HS3ST4: variants seen among roughly 807,000 people sequenced by gnomAD.
HS3ST4 encodes the protein heparan sulfate glucosamine 3-O-sulfotransferase 4.
A neutral mutation model predicts 29.2 loss-of-function variants in HS3ST4; 17 were observed. The ratio of observed to expected loss-of-function variants is 0.58; its 90% confidence interval spans 0.40 to 0.87. The LOEUF is 0.87. Ranked by LOEUF, HS3ST4 falls within the 40% of genes least tolerant of loss-of-function variation. The pLI is 0.00. For missense variants in HS3ST4, 627 were observed against 634.5 expected, an observed-to-expected ratio of 0.99 and a Z score of 0.13; for synonymous variants, 314 against 285.7, an observed-to-expected ratio of 1.10 and a Z score of -1.00.
intron 1 of HS3ST4, among the ~76,000 whole-genome samples, chr16:25,776,419 T>C (rs954967751): frequency 2.6e-5 from 4 of 152,202 alleles, no homozygotes; most frequent in Admixed American, 2.6e-4. Flanking sequence ...TTGTCTCTTA[T>C]CTACCTATGA....
At chr16:25,933,873 A>G (rs1183735317) in intron 1 of HS3ST4, among the ~76,000 whole-genome samples, 1 of 152,160 alleles carries the variant, frequency 6.6e-6, no homozygotes, top group Non-Finnish European at 1.5e-5. Context: ...ATTACCACAA[A>G]GCCAACACCA....
chr16:26,017,363 G>A (rs555947743), intron 1 of HS3ST4, among the ~76,000 whole-genome samples: 2 of 152,198 alleles, frequency 1.3e-5, no homozygotes, highest in African/African-American at 2.4e-5. Flanking sequence ...TTAACTTGGA[G>A]CTCTAGGGGA....
At chr16:25,983,684 A>C (rs1258829247) in intron 1 of HS3ST4, among the ~76,000 whole-genome samples, 1 of 152,318 alleles carries the variant, frequency 6.6e-6, no homozygotes, top group African/African-American at 2.4e-5. Flanking sequence ...ATTCTAAGCC[A>C]TACATAGTCT....
chr16:26,131,408 GTC>G (rs1354462565), intron 1 of HS3ST4, among the ~76,000 whole-genome samples: 6 of 152,142 alleles, frequency 3.9e-5, no homozygotes, highest in Non-Finnish European at 8.8e-5. Flanking sequence ...TCTATTCCCT[GTC>G]TGTCTTCCTG....
chr16:26,023,476 TGCAACCTCA>T (rs1969436211), intron 1 of HS3ST4, among the ~76,000 whole-genome samples: 1 of 152,028 alleles, frequency 6.6e-6, no homozygotes, highest in Non-Finnish European at 1.5e-5. Flanking sequence ...CATAGCCCAC[TGCAACCTCA>T]AACTCCTGAG....
chr16:26,027,769 GA>G (rs1454950607), intron 1 of HS3ST4, among the ~76,000 whole-genome samples: 5 of 152,258 alleles, frequency 3.3e-5, no homozygotes, highest in African/African-American at 9.6e-5. Context: ...TGATGTAACA[GA>G]AGAAGAAACT....
At chr16:26,099,619 A>C (rs1387107671) in intron 1 of HS3ST4, among the ~76,000 whole-genome samples, 1 of 152,232 alleles carries the variant, frequency 6.6e-6, no homozygotes, top group East Asian at 1.9e-4. Context: ...ATCAGACTTC[A>C]TGAGAAATTT....
chr16:25,744,358 T>G (rs1481303986), intron 1 of HS3ST4, among the ~76,000 whole-genome samples: 1 of 152,228 alleles, frequency 6.6e-6, no homozygotes, highest in Admixed American at 6.5e-5. Flanking sequence ...CCTAGTACAC[T>G]GGATAATCAA....
At chr16:25,915,748 A>G (rs1356569285) in intron 1 of HS3ST4, among the ~76,000 whole-genome samples, 2 of 152,170 alleles carry the variant, frequency 1.3e-5, no homozygotes, top group Non-Finnish European at 2.9e-5. Flanking sequence ...ACACCTCTCA[A>G]TATTTATTGT....
chr16:25,808,354 C>T (rs1223325365), intron 1 of HS3ST4, among the ~76,000 whole-genome samples: 1 of 152,166 alleles, frequency 6.6e-6, no homozygotes, highest in Non-Finnish European at 1.5e-5. Context: ...TGCAAATTGT[C>T]TAATTGCCCA....
intron 1 of HS3ST4, among the ~76,000 whole-genome samples, chr16:25,914,937 C>G (rs1968277797): frequency 6.6e-6 from 1 of 152,028 alleles, no homozygotes. Context: ...AAAAGACACT[C>G]TCTCTAAAAC....
At chr16:25,980,317 G>A (rs113640039) in intron 1 of HS3ST4, among the ~76,000 whole-genome samples, 3,976 of 152,150 alleles carry the variant, frequency 0.026, 190 homozygotes, top group African/African-American at 0.091. Flanking sequence ...ATCATTCCCT[G>A]CTTCTCCTGG....
chr16:25,729,460 C>G (rs1402394123), intron 1 of HS3ST4, among the ~76,000 whole-genome samples: 2 of 152,136 alleles, frequency 1.3e-5, no homozygotes, highest in African/African-American at 4.8e-5. Context: ...TGCCTGGATC[C>G]CCATCCTCTT....
At chr16:26,047,458 G>A (rs993027714) in intron 1 of HS3ST4, among the ~76,000 whole-genome samples, 1 of 152,208 alleles carries the variant, frequency 6.6e-6, no homozygotes, top group Non-Finnish European at 1.5e-5. Context: ...GGAAAGGGAA[G>A]CTAGTCATTT....
rs13336659 is a variant in HS3ST4, at chr16:25,871,802, G to T, written c.734+178651G>T. On this transcript the variant is annotated intron_variant, in intron 1 of 1. Transcript: ENST00000331351. Reference sequence around the variant, plus strand: ...CAAGCAGTGCATGGGTGGATTTTTTGGGTAAAGGTCCTGGATCAGGCTAGA... The same window carrying T: ...CAAGCAGTGCATGGGTGGATTTTTTTGGTAAAGGTCCTGGATCAGGCTAGA... Among the ~76,000 whole-genome samples, 821 of 152,144 alleles carry T rather than the reference G, an allele frequency of 5.4e-3. 7 individuals carry two copies. The highest frequency in any genetic ancestry group is 0.018 in the African/African-American group (766 of 41,510).
chr16:26,040,273 T>A (rs1370246839), intron 1 of HS3ST4, among the ~76,000 whole-genome samples: 1 of 151,976 alleles, frequency 6.6e-6, no homozygotes, highest in Non-Finnish European at 1.5e-5. Flanking sequence ...TTTTCTTTCC[T>A]ATTGCTGTCA....
chr16:25,807,129 T>TG (rs947752386), intron 1 of HS3ST4, among the ~76,000 whole-genome samples: 1 of 152,090 alleles, frequency 6.6e-6, no homozygotes, highest in Non-Finnish European at 1.5e-5. Flanking sequence ...CCTGCTACCA[T>TG]GCCTGGCTAA....
chr16:26,008,944 C>T (rs575017286), intron 1 of HS3ST4, among the ~76,000 whole-genome samples: 17 of 152,354 alleles, frequency 1.1e-4, no homozygotes, highest in Admixed American at 5.2e-4. Flanking sequence ...GCAGCACCCA[C>T]GCCTAGCATG....
At chr16:26,039,532 T>C (rs1481867331) in intron 1 of HS3ST4, among the ~76,000 whole-genome samples, 2 of 152,200 alleles carry the variant, frequency 1.3e-5, no homozygotes, top group African/African-American at 4.8e-5. Flanking sequence ...CAATGTGCAA[T>C]AACCACATCA....
Sources: allele counts gnomAD v4.1 joint callset (sites outside exome capture counted in the v4.1 genomes callset), GRCh38; gene constraint gnomAD v4.1.1; transcripts MANE v1.5; gene names NCBI Gene and HGNC (gene_info 2026-07-23, HGNC 2026-07-21).